Variants in LRGUK observed in about 807,000 individuals in gnomAD.
LRGUK encodes leucine rich repeats and guanylate kinase domain containing.
LRGUK carries 65 observed loss-of-function variants against 76.0 expected under a neutral mutation model. The ratio of observed to expected loss-of-function variants is 0.85; its 90% confidence interval spans 0.70 to 1.05. The LOEUF is 1.05. Among genes scored for constraint, LRGUK ranks in the 50% least tolerant of loss-of-function variants. The pLI is 0.00. For missense variants in LRGUK, 758 were observed against 732.8 expected, an observed-to-expected ratio of 1.03 and a Z score of -0.40; for synonymous variants, 268 against 265.6, an observed-to-expected ratio of 1.01 and a Z score of -0.09.
At chr7:134,136,924 G>C (rs2116821692) in intron 1 of LRGUK, 99 bp from the exon 2 acceptor site, 1 of 999,752 alleles carries the variant, frequency 1.0e-6, no homozygotes, top group Non-Finnish European at 1.5e-6. Flanking sequence ...TCAGCTCCTG[G>C]GTATAAAATA....
downstream of LRGUK, among the ~76,000 whole-genome samples, chr7:134,214,640 G>A (rs912987937): frequency 2.6e-5 from 4 of 152,178 alleles, no homozygotes; most frequent in African/African-American, 7.2e-5. Context: ...GGTAGAGCCA[G>A]TATGGCTCTA....
downstream of LRGUK, among the ~76,000 whole-genome samples, chr7:134,211,748 G>A (rs543351112): frequency 1.6e-4 from 25 of 152,124 alleles, no homozygotes; most frequent in Non-Finnish European, 2.4e-4. Flanking sequence ...TCAGTTGTTC[G>A]TTTATCTATT....
chr7:134,226,423 C>T (rs1194592516), intron 16 of LRGUK, among the ~76,000 whole-genome samples: 1 of 152,118 alleles, frequency 6.6e-6, no homozygotes, highest in South Asian at 2.1e-4. Flanking sequence ...CCATCGCATG[C>T]AATGACATGT....
chr7:134,150,490 A>AAAAAAAG (rs1554455672), intron 5 of LRGUK, among the ~76,000 whole-genome samples: 99 of 151,448 alleles, frequency 6.5e-4, no homozygotes, highest in Non-Finnish European at 1.3e-3. Context: ...AAAAAAAAAA[A>AAAAAAAG]AAAAAGAAAA....
At position 134,217,130 on chromosome 7, in the gene LRGUK, A is replaced by G. The variant is rs185751167; in HGVS notation, c.1844-4649A>G. Among the ~76,000 whole-genome samples the G allele has an allele frequency of 2.0e-5, 3 of 150,738 alleles. No individual in the cohort carries two copies. The East Asian group carries it at 5.9e-4, about 30-fold the overall frequency. The stretch of plus-strand genomic sequence containing the variant: ...TTTTATCTTCTTTAAAGTGTCAAGT[A>G]ACTACTTCATTAAATACTCATCCTT... On this transcript the variant is annotated intron_variant, in intron 15 of 19. Transcript: ENST00000285928.
intron 7 of LRGUK, among the ~76,000 whole-genome samples, chr7:134,169,590 T>C (rs1303347425): frequency 2.0e-5 from 3 of 152,144 alleles, no homozygotes; most frequent in Non-Finnish European, 2.9e-5. Flanking sequence ...AATATTCTTA[T>C]ATATTTTCTT....
chr7:134,143,053 C>T lies in LRGUK; in HGVS notation c.488-9C>T. 1 of 1,450,582 alleles carries T rather than the reference C, an allele frequency of 6.9e-7. No homozygotes were observed. The highest frequency in any genetic ancestry group is 9.7e-7 in the Non-Finnish European group (1 of 1,032,286). 89.9% of individuals were successfully genotyped at this position (1,450,582 alleles called of 1,614,324 possible). Reference sequence around the variant, plus strand: ...GCTTACCTTATTCTGTATCTGTTTCCCTCCGTAGATTTATCTTGTGTGAGT... The same window carrying T: ...GCTTACCTTATTCTGTATCTGTTTCTCTCCGTAGATTTATCTTGTGTGAGT... On this transcript the variant is annotated splice_polypyrimidine_tract_variant and intron_variant, in intron 3 of 15. Coordinates refer to ENST00000645682, the Ensembl canonical transcript of LRGUK.
At chr7:134,174,513 T>C (rs758132167) in intron 7 of LRGUK, 43 bp from the exon 8 acceptor site, 7 of 1,179,768 alleles carry the variant, frequency 5.9e-6, no homozygotes, top group Middle Eastern at 2.0e-4. Context: ...CTATTGTCTT[T>C]GTGCATTTAG....
chr7:134,204,368 T>C (rs1800915777), intron 15 of LRGUK, among the ~76,000 whole-genome samples: 1 of 152,236 alleles, frequency 6.6e-6, no homozygotes, highest in Non-Finnish European at 1.5e-5. Context: ...TAGGCTTGGC[T>C]GATTTAATGA....
intron 13 of LRGUK, 65 bp downstream of exon 13, chr7:134,197,170 TG>T: frequency 2.1e-6 from 1 of 483,916 alleles, no homozygotes; most frequent in Non-Finnish European, 3.4e-6. Context: ...TGTGTGTATG[TG>T]TGTGTGTGTG....
downstream of LRGUK, among the ~76,000 whole-genome samples, chr7:134,214,662 T>C (rs1801386639): frequency 6.6e-6 from 1 of 152,172 alleles, no homozygotes; most frequent in Admixed American, 6.5e-5. Flanking sequence ...TTATTAGCTC[T>C]GGATTATGGA....
chr7:134,167,556 C>T (rs953118177), intron 7 of LRGUK, among the ~76,000 whole-genome samples: 4 of 152,140 alleles, frequency 2.6e-5, no homozygotes, highest in Non-Finnish European at 5.9e-5. Context: ...TTGGTTAGGC[C>T]AGCTACGCAG....
In LRGUK at chr7:134,158,089, T is replaced by G. The variant is rs1459402999; in HGVS notation, c.725T>G (p.Leu242Arg). 1.9e-6 allele frequency: 3 copies of G among 1,613,132 alleles called. No homozygotes were observed. The East Asian group carries it at 6.7e-5, about 36-fold the overall frequency. ...GAGATGTGCAACAACCTAATTCACCTTAGTTTGGCCAACAATAAGATCACG... is the reference window on the plus strand; with the variant it reads ...GAGATGTGCAACAACCTAATTCACCGTAGTTTGGCCAACAATAAGATCACG... The change falls in exon 6 of 16, where the codon CTT (leucine) becomes CGT (arginine). Residue 242 changes from leucine (L) to arginine (R), a missense_variant. Coordinates refer to ENST00000645682, the Ensembl canonical transcript of LRGUK.
intron 10 of LRGUK, among the ~76,000 whole-genome samples, chr7:134,179,293 A>T (rs1799637809): frequency 6.6e-6 from 1 of 152,220 alleles, no homozygotes; most frequent in Non-Finnish European, 1.5e-5. Flanking sequence ...GTTGGAGCAG[A>T]TGGCCATTTA....
At chr7:134,169,768 G>T (rs1234287009) in intron 7 of LRGUK, among the ~76,000 whole-genome samples, 1 of 151,960 alleles carries the variant, frequency 6.6e-6, no homozygotes, top group Non-Finnish European at 1.5e-5. Context: ...GATAAGTCAG[G>T]ATTTATTGAG....
At chr7:134,173,448 A>G (rs1799343950) in intron 7 of LRGUK, among the ~76,000 whole-genome samples, 1 of 152,100 alleles carries the variant, frequency 6.6e-6, no homozygotes, top group Admixed American at 6.5e-5. Flanking sequence ...AAAAGTGATG[A>G]TTAACTTTTT....
At chr7:134,155,228 G>A (rs1798405974) in intron 5 of LRGUK, among the ~76,000 whole-genome samples, 1 of 152,148 alleles carries the variant, frequency 6.6e-6, no homozygotes, top group Non-Finnish European at 1.5e-5. Context: ...GAGTGAGATA[G>A]TTTAATCTCC....
chr7:134,172,364 A>G (rs1799291520), intron 7 of LRGUK, among the ~76,000 whole-genome samples: 1 of 152,220 alleles, frequency 6.6e-6, no homozygotes, highest in South Asian at 2.1e-4. Context: ...CATATTCTAT[A>G]TAAATTTTTT....
exon 20 of LRGUK, chr7:134,264,018 G>A (rs1163979734): frequency 6.4e-7 from 1 of 1,563,920 alleles, no homozygotes; most frequent in Non-Finnish European, 8.6e-7. Flanking sequence ...AACCTGCTCT[G>A]CTGATGTCGA....
Sources: allele counts gnomAD v4.1 joint callset (sites outside exome capture counted in the v4.1 genomes callset), GRCh38; gene constraint gnomAD v4.1.1; transcripts MANE v1.5; gene names NCBI Gene and HGNC (gene_info 2026-07-23, HGNC 2026-07-21).